The following BCAT1 variants were observed in gnomAD, a reference collection of about 807,000 sequenced individuals.
BCAT1 encodes branched chain amino acid transaminase 1, also known as branched-chain-amino-acid aminotransferase, cytosolic.
Under a neutral mutation model 52.4 loss-of-function variants are expected in BCAT1, and 48 were observed. The observed-to-expected ratio is 0.92, with a 90% CI of 0.73 to 1.16. The LOEUF (loss-of-function observed/expected upper bound fraction) is 1.16, where lower values mean the gene tolerates loss of function less well. BCAT1 is among the 50% of genes most tolerant of loss of function. The pLI is 0.00. For synonymous variants in BCAT1, 167 were observed against 161.3 expected, an observed-to-expected ratio of 1.04 and a Z score of -0.27; for missense variants, 451 against 457.1, an observed-to-expected ratio of 0.99 and a Z score of 0.12.
Position 24,816,311 on chromosome 12 carries a change from A to G in BCAT1, c.*1697T>C. On this transcript the variant is annotated 3_prime_UTR_variant, in exon 11 of 11. Coordinates refer to ENST00000261192, the MANE Select transcript of BCAT1 (RefSeq NM_005504.7). ...TTTCCTTCTCTGAAAAGAGAATAAA[A>G]TATGTTCAGCAAGAAGGAAGTTATG... The G allele has an allele frequency of 2.6e-6, 1 of 392,092 alleles. No homozygotes were observed. The highest frequency in any genetic ancestry group is 4.4e-5 in the Admixed American group (1 of 22,532). The allele number at this position is 392,092 out of a possible 1,614,324, so 24.3% of individuals were successfully genotyped here.
intron 1 of BCAT1, among the ~76,000 whole-genome samples, chr12:24,933,105 T>A (rs1708209714): frequency 8.0e-6 from 1 of 124,258 alleles, no homozygotes; most frequent in South Asian, 2.7e-4. Context: ...CCACCACGCC[T>A]GGCCTTTTTT....
chr12:24,834,788 A>G, intron 8 of BCAT1: 1 of 1,168,626 alleles, frequency 8.6e-7, no homozygotes, highest in South Asian at 1.7e-5. Context: ...ATTAATTGAA[A>G]ACAAGCTGAG....
chr12:24,913,338 C>T (rs147224248), intron 1 of BCAT1, among the ~76,000 whole-genome samples: 6 of 152,308 alleles, frequency 3.9e-5, no homozygotes, highest in Non-Finnish European at 5.9e-5. Flanking sequence ...CTAGCAAGGC[C>T]GATCCTGGCA....
intron 5 of BCAT1, among the ~76,000 whole-genome samples, chr12:24,856,568 T>C (rs1451466286): frequency 1.3e-5 from 2 of 152,046 alleles, no homozygotes; most frequent in Non-Finnish European, 2.9e-5. Context: ...CTTGGCCAGA[T>C]AGAGGAAAGG....
At chr12:24,934,376 C>G (rs568376503) in intron 1 of BCAT1, among the ~76,000 whole-genome samples, 1 of 152,244 alleles carries the variant, frequency 6.6e-6, no homozygotes, top group Admixed American at 6.5e-5. Context: ...TATAAATCAC[C>G]CAGTCTCAGG....
chr12:24,867,268 T>C (rs149514431), intron 5 of BCAT1, among the ~76,000 whole-genome samples: 1 of 152,232 alleles, frequency 6.6e-6, no homozygotes, highest in Non-Finnish European at 1.5e-5. Flanking sequence ...GGCTTCATTC[T>C]TGAAGTCAGT....
At chr12:24,869,664 C>T (rs12302883) in intron 5 of BCAT1, among the ~76,000 whole-genome samples, 24,402 of 151,982 alleles carry the variant, frequency 0.16, 2,018 homozygotes, top group East Asian at 0.22. Context: ...TGTCCATCTG[C>T]AGTAAAAGAG....
At chr12:24,821,879 G>A (rs1468609605) in intron 10 of BCAT1, among the ~76,000 whole-genome samples, 1 of 152,196 alleles carries the variant, frequency 6.6e-6, no homozygotes, top group Non-Finnish European at 1.5e-5. Context: ...TATTCTTCAA[G>A]AGAGATTCAA....
At chr12:24,938,834 G>A (rs1268994481) in intron 1 of BCAT1, among the ~76,000 whole-genome samples, 3 of 151,896 alleles carry the variant, frequency 2.0e-5, no homozygotes, top group African/African-American at 7.3e-5. Context: ...TTCTACTGTA[G>A]CACCTACTAT....
intron 2 of BCAT1, among the ~76,000 whole-genome samples, chr12:24,899,986 G>C (rs750951034): frequency 6.6e-6 from 1 of 152,130 alleles, no homozygotes; most frequent in Non-Finnish European, 1.5e-5. Context: ...AAAGTCTACT[G>C]TTCATAGCAG....
intron 4 of BCAT1, among the ~76,000 whole-genome samples, chr12:24,879,780 A>C (rs1356112556): frequency 6.6e-6 from 1 of 152,228 alleles, no homozygotes; most frequent in Non-Finnish European, 1.5e-5. Flanking sequence ...CTCTGGACTC[A>C]AGTTTTCTTC....
chr12:24,876,870 T>A (rs1942362988), intron 5 of BCAT1, among the ~76,000 whole-genome samples: 1 of 151,998 alleles, frequency 6.6e-6, no homozygotes. Flanking sequence ...ACCTAGGTGA[T>A]GGGTTGATTT....
intron 6 of BCAT1, among the ~76,000 whole-genome samples, chr12:24,843,290 T>A (rs1300986595): frequency 6.6e-6 from 1 of 152,230 alleles, no homozygotes; most frequent in African/African-American, 2.4e-5. Flanking sequence ...AATTACAATT[T>A]GTACTGTTGT....
At chr12:24,843,736 T>C (rs188279605) in intron 6 of BCAT1, among the ~76,000 whole-genome samples, 1 of 152,220 alleles carries the variant, frequency 6.6e-6, no homozygotes, top group East Asian at 1.9e-4. Context: ...ACTGATAATA[T>C]AGCATCTTGC....
chr12:24,902,331 G>A (rs1315489814), intron 1 of BCAT1: 1 of 1,233,608 alleles, frequency 8.1e-7, no homozygotes, highest in Admixed American at 4.0e-5. Flanking sequence ...AAGGGAACGG[G>A]GACGGGCGTG....
intron 1 of BCAT1, among the ~76,000 whole-genome samples, chr12:24,935,816 C>T (rs1450463203): frequency 6.6e-6 from 1 of 152,126 alleles, no homozygotes; most frequent in Non-Finnish European, 1.5e-5. Context: ...AGTTTCATTC[C>T]ACTGTATGAC....
At chr12:24,875,444 T>A (rs1942306435) in intron 5 of BCAT1, among the ~76,000 whole-genome samples, 1 of 152,228 alleles carries the variant, frequency 6.6e-6, no homozygotes, top group Admixed American at 6.5e-5. Context: ...ATAAATAATG[T>A]TGACTCCCCA....
intron 4 of BCAT1, among the ~76,000 whole-genome samples, chr12:24,880,844 G>GT (rs11369972): frequency 0.77 from 109,665 of 141,584 alleles, 41,064 homozygotes; most frequent in South Asian, 0.81. Flanking sequence ...TTTGTTTTTT[G>GT]TTTTTTTTTT....
At chr12:24,860,304 A>C (rs555339752) in intron 5 of BCAT1, among the ~76,000 whole-genome samples, 8 of 152,262 alleles carry the variant, frequency 5.3e-5, no homozygotes, top group African/African-American at 1.9e-4. Flanking sequence ...AACAGCATGG[A>C]CTAAACTAAT....
Sources: allele counts gnomAD v4.1 joint callset (sites outside exome capture counted in the v4.1 genomes callset), GRCh38; gene constraint gnomAD v4.1.1; transcripts MANE v1.5; gene names NCBI Gene and HGNC (gene_info 2026-07-23, HGNC 2026-07-21).